PDZRN4: variants seen among roughly 807,000 people sequenced by gnomAD.
PDZRN4 encodes PDZ domain-containing RING finger protein 4.
PDZRN4 carries 70 observed loss-of-function variants against 99.0 expected under a neutral mutation model. The observed-to-expected ratio is 0.71, with a 90% confidence interval of 0.58 to 0.86. The LOEUF is 0.86. Among genes scored for constraint, PDZRN4 ranks in the 40% least tolerant of loss-of-function variants. The pLI is 0.00. For missense variants in PDZRN4, 1,474 were observed against 1,331.2 expected, an observed-to-expected ratio of 1.11 and a Z score of -1.67; for synonymous variants, 551 against 501.6, an observed-to-expected ratio of 1.10 and a Z score of -1.32.
At chr12:41,488,999 C>A (rs889633614) in intron 3 of PDZRN4, among the ~76,000 whole-genome samples, 1 of 152,124 alleles carries the variant, frequency 6.6e-6, no homozygotes, top group Non-Finnish European at 1.5e-5. Context: ...CTGCATACGG[C>A]CCAGGACAGC....
At chr12:41,545,531 G>A (rs902189216) in intron 5 of PDZRN4, among the ~76,000 whole-genome samples, 1 of 149,376 alleles carries the variant, frequency 6.7e-6, no homozygotes, top group African/African-American at 2.6e-5. Flanking sequence ...GTGTGTGTGT[G>A]TGTGTGTGTG....
intron 3 of PDZRN4, among the ~76,000 whole-genome samples, chr12:41,374,790 A>G (rs981553188): frequency 6.6e-6 from 1 of 152,186 alleles, no homozygotes; most frequent in Non-Finnish European, 1.5e-5. Context: ...AAATATGTAC[A>G]CAAATTCTTT....
intron 3 of PDZRN4, among the ~76,000 whole-genome samples, chr12:41,396,587 T>G (rs1952247683): frequency 6.6e-6 from 1 of 152,164 alleles, no homozygotes; most frequent in South Asian, 2.1e-4. Flanking sequence ...TGTTTCAGGC[T>G]CAACGTCTCT....
chr12:41,433,091 CA>C (rs746425102), intron 3 of PDZRN4, among the ~76,000 whole-genome samples: 1 of 152,182 alleles, frequency 6.6e-6, no homozygotes, highest in Admixed American at 6.5e-5. Context: ...CTGTGACATT[CA>C]AAAAATTTCA....
chr12:41,507,965 C>T (rs1938236964), intron 4 of PDZRN4, among the ~76,000 whole-genome samples: 1 of 152,084 alleles, frequency 6.6e-6, no homozygotes, highest in African/African-American at 2.4e-5. Flanking sequence ...TTCATTAATA[C>T]AGCCTAAAAC....
At chr12:41,237,066 C>A (rs1951072755) in intron 3 of PDZRN4, among the ~76,000 whole-genome samples, 1 of 151,908 alleles carries the variant, frequency 6.6e-6, no homozygotes, top group Non-Finnish European at 1.5e-5. Flanking sequence ...TTAGAATTCA[C>A]AAAACTAACT....
chr12:41,298,423 G>A (rs191938506), intron 3 of PDZRN4, among the ~76,000 whole-genome samples: 794 of 152,172 alleles, frequency 5.2e-3, no homozygotes, highest in Non-Finnish European at 7.1e-3. Flanking sequence ...CCAAAGCTGC[G>A]TTGCCAGTCA....
chr12:41,294,604 T>A (rs1037225849), intron 3 of PDZRN4, among the ~76,000 whole-genome samples: 8 of 152,178 alleles, frequency 5.3e-5, no homozygotes, highest in Admixed American at 4.6e-4. Context: ...AAACTAAGTT[T>A]CTTTATTAAA....
At chr12:41,513,556 G>A (rs1379777) in intron 5 of PDZRN4, among the ~76,000 whole-genome samples, 150,795 of 152,186 alleles carry the variant, frequency 0.99, 74,716 homozygotes, top group East Asian at 1. Flanking sequence ...TGCACCCATC[G>A]TAAGAGTCAG....
At chr12:41,226,220 G>C (rs1019863153) in intron 3 of PDZRN4, among the ~76,000 whole-genome samples, 2 of 152,138 alleles carry the variant, frequency 1.3e-5, no homozygotes, top group Admixed American at 1.3e-4. Context: ...CCAACATGAG[G>C]TCCGTGGTGA....
intron 3 of PDZRN4, among the ~76,000 whole-genome samples, chr12:41,490,432 C>A (rs1231742879): frequency 6.6e-6 from 1 of 152,018 alleles, no homozygotes; most frequent in Non-Finnish European, 1.5e-5. Flanking sequence ...TCTAAATGGG[C>A]CGTAATTATT....
At chr12:41,211,465 G>GT (rs201752288) in intron 3 of PDZRN4, among the ~76,000 whole-genome samples, 2,841 of 150,588 alleles carry the variant, frequency 0.019, 57 homozygotes, top group African/African-American at 0.05. Context: ...GAATAGATCT[G>GT]TTTTTTTTTC....
intron 3 of PDZRN4, among the ~76,000 whole-genome samples, chr12:41,310,313 C>T (rs1409592645): frequency 6.6e-6 from 1 of 151,902 alleles, no homozygotes; most frequent in Non-Finnish European, 1.5e-5. Flanking sequence ...AAAATTTGCA[C>T]ATTATCAATG....
intron 3 of PDZRN4, among the ~76,000 whole-genome samples, chr12:41,491,010 C>T (rs570789133): frequency 6.6e-6 from 1 of 152,258 alleles, no homozygotes; most frequent in African/African-American, 2.4e-5. Context: ...TCAAGGCAAG[C>T]ATGAGCACTA....
At chr12:41,437,867 G>A (rs973857345) in intron 3 of PDZRN4, 1 of 1,612,236 alleles carries the variant, frequency 6.2e-7, no homozygotes, top group Non-Finnish European at 8.5e-7. Context: ...CAAGTCTGGA[G>A]GGTGATTCCC....
chr12:41,287,371 C>A (rs1340537744), intron 3 of PDZRN4, among the ~76,000 whole-genome samples: 3 of 152,148 alleles, frequency 2.0e-5, no homozygotes, highest in Admixed American at 6.6e-5. Context: ...CAAGTGAATT[C>A]TTGGTGTCTA....
chr12:41,564,776 T>A (rs966520248), intron 8 of PDZRN4, among the ~76,000 whole-genome samples: 1 of 152,152 alleles, frequency 6.6e-6, no homozygotes, highest in Admixed American at 6.6e-5. Context: ...AATTTTTAAA[T>A]ACATATGAAA....
At chr12:41,406,205 A>G (rs1952348206) in intron 3 of PDZRN4, among the ~76,000 whole-genome samples, 1 of 152,204 alleles carries the variant, frequency 6.6e-6, no homozygotes, top group Admixed American at 6.5e-5. Context: ...CAAGTACTAG[A>G]TAAGTCTAAC....
chr12:41,308,692 G>A (rs1405091204), intron 3 of PDZRN4, among the ~76,000 whole-genome samples: 4 of 152,114 alleles, frequency 2.6e-5, no homozygotes, highest in Non-Finnish European at 5.9e-5. Context: ...GATTTTAAAA[G>A]CTTTGGGGTA....
Sources: allele counts gnomAD v4.1 joint callset (sites outside exome capture counted in the v4.1 genomes callset), GRCh38; gene constraint gnomAD v4.1.1; transcripts MANE v1.5; gene names NCBI Gene and HGNC (gene_info 2026-07-23, HGNC 2026-07-21).